Variants in LRRTM4 observed in about 807,000 individuals in gnomAD.
LRRTM4 encodes the protein leucine rich repeat transmembrane neuronal 4, also known as leucine-rich repeat transmembrane neuronal protein 4.
A neutral mutation model predicts 47.6 loss-of-function variants in LRRTM4; 25 were observed. The ratio of observed to expected loss-of-function variants is 0.53; its 90% CI spans 0.38 to 0.73. LRRTM4 has a LOEUF of 0.73. Among genes scored for constraint, LRRTM4 ranks in the 30% least tolerant of loss-of-function variants. The pLI is 0.00. For synonymous variants in LRRTM4, 311 were observed against 269.5 expected, an observed-to-expected ratio of 1.15 and a Z score of -1.51; for missense variants, 638 against 713.4, an observed-to-expected ratio of 0.89 and a Z score of 1.20.
chr2:76,938,167 T>C (rs1675021163), intron 3 of LRRTM4, among the ~76,000 whole-genome samples: 1 of 152,156 alleles, frequency 6.6e-6, no homozygotes, highest in Admixed American at 6.5e-5. Flanking sequence ...TAAAAGCTTT[T>C]ATTTTTCTCC....
At chr2:76,946,022 A>G (rs1950122) in intron 3 of LRRTM4, among the ~76,000 whole-genome samples, 13,927 of 151,870 alleles carry the variant, frequency 0.092, 968 homozygotes, top group East Asian at 0.38. Flanking sequence ...TCTCAATGCA[A>G]TATCACTAAA....
intron 3 of LRRTM4, among the ~76,000 whole-genome samples, chr2:77,073,065 C>G (rs1293353713): frequency 6.6e-6 from 1 of 152,084 alleles, no homozygotes. Flanking sequence ...ATCTGCATCC[C>G]AGACCAGTGG....
intron 3 of LRRTM4, among the ~76,000 whole-genome samples, chr2:77,404,907 C>A (rs1674121740): frequency 6.6e-6 from 1 of 152,020 alleles, no homozygotes; most frequent in African/African-American, 2.4e-5. Context: ...AGTTAAGCAA[C>A]AGGAATTATT....
rs377327134 is a variant in LRRTM4, at chr2:77,058,794, CTTAT to C, written c.1552-309882_1552-309879del. ...ATATTTGGCATATGATTCAAACAAT[CTTAT>C]TTATTTAGACGATTGTTTTAAATAT... On this transcript the variant is annotated intron_variant, in intron 3 of 3. Transcript: ENST00000409884. Among the ~76,000 whole-genome samples the C allele has an allele frequency of 2.3e-3, 348 of 152,134 alleles. 2 individuals are homozygous for C. The highest frequency in any genetic ancestry group is 0.014 in the Middle Eastern group (4 of 292).
intron 3 of LRRTM4, among the ~76,000 whole-genome samples, chr2:76,968,910 T>C (rs1241174764): frequency 2.0e-5 from 3 of 151,818 alleles, no homozygotes; most frequent in Non-Finnish European, 4.4e-5. Flanking sequence ...AAATAAAACC[T>C]AGCTCCTCCG....
intron 3 of LRRTM4, among the ~76,000 whole-genome samples, chr2:76,949,085 C>A (rs2103881435): frequency 6.8e-6 from 1 of 147,782 alleles, no homozygotes; most frequent in Non-Finnish European, 1.5e-5. Context: ...AAATAGAGTG[C>A]TTTGGGGAAA....
intron 3 of LRRTM4, among the ~76,000 whole-genome samples, chr2:77,271,353 G>A (rs62160529): frequency 1.0e-3 from 158 of 152,262 alleles, no homozygotes; most frequent in Non-Finnish European, 1.9e-3. Context: ...TGGAACTAAA[G>A]GAGCACTGTA....
At chr2:77,388,932 A>G (rs1177700907) in intron 3 of LRRTM4, among the ~76,000 whole-genome samples, 1 of 152,078 alleles carries the variant, frequency 6.6e-6, no homozygotes, top group East Asian at 1.9e-4. Flanking sequence ...TCATCCAAAT[A>G]TCTATTAATA....
chr2:77,016,231 C>T (rs1317182727), intron 3 of LRRTM4, among the ~76,000 whole-genome samples: 2 of 151,614 alleles, frequency 1.3e-5, no homozygotes, highest in Non-Finnish European at 2.9e-5. Flanking sequence ...ACTAAAAATA[C>T]AAAAATTAGC....
At chr2:76,990,728 A>C (rs1327411977) in intron 3 of LRRTM4, among the ~76,000 whole-genome samples, 8 of 151,638 alleles carry the variant, frequency 5.3e-5, no homozygotes, top group African/African-American at 1.5e-4. Context: ...CTGATAGTGC[A>C]TAGGCAGATC....
At chr2:77,249,227 G>A (rs1299413096) in intron 3 of LRRTM4, among the ~76,000 whole-genome samples, 5 of 151,954 alleles carry the variant, frequency 3.3e-5, no homozygotes, top group African/African-American at 4.8e-5. Context: ...GTGAGTGCCT[G>A]TAATCCCAGC....
At chr2:77,484,755 A>ATT (rs1677845969) in intron 3 of LRRTM4, among the ~76,000 whole-genome samples, 1 of 152,192 alleles carries the variant, frequency 6.6e-6, no homozygotes, top group Non-Finnish European at 1.5e-5. Flanking sequence ...AAGTTTAAAA[A>ATT]AGTTTTCAGG....
intron 3 of LRRTM4, among the ~76,000 whole-genome samples, chr2:77,323,873 T>C (rs1234198102): frequency 6.6e-6 from 1 of 152,086 alleles, no homozygotes; most frequent in Non-Finnish European, 1.5e-5. Flanking sequence ...AACCATAAAT[T>C]GGGGACAATA....
intron 3 of LRRTM4, among the ~76,000 whole-genome samples, chr2:77,011,734 G>A (rs1270287072): frequency 6.6e-6 from 1 of 151,976 alleles, no homozygotes; most frequent in African/African-American, 2.4e-5. Context: ...ACTCTTTATA[G>A]TTAACATTAT....
intron 3 of LRRTM4, among the ~76,000 whole-genome samples, chr2:77,309,228 C>T (rs1485879675): frequency 6.6e-6 from 1 of 152,074 alleles, no homozygotes; most frequent in Non-Finnish European, 1.5e-5. Flanking sequence ...GAAACATGGA[C>T]TAAAAAACCA....
rs1043403567 is a variant in LRRTM4 at position 76,967,884 on chromosome 2, G to A, written c.1552-218968C>T. ...TCATTCCATTCTCCCTCTGGCTAAT[G>A]GGCTTGAAGTGAACAGACACTATGT... On this transcript the variant is annotated intron_variant, in intron 3 of 3. Transcript: ENST00000409884. Among the ~76,000 whole-genome samples, 63 of 151,078 alleles carry A rather than the reference G, an allele frequency of 4.2e-4. 1 individual carries two copies. Among genetic ancestry groups the A allele is most frequent in the Non-Finnish European group, 5.8e-4 (39 of 67,658 alleles).
At chr2:77,237,426 T>C (rs1157800319) in intron 3 of LRRTM4, among the ~76,000 whole-genome samples, 1 of 152,110 alleles carries the variant, frequency 6.6e-6, no homozygotes, top group Non-Finnish European at 1.5e-5. Flanking sequence ...TGTGCTTATT[T>C]TGATATTCTC....
At chr2:76,850,933 A>G (rs1671974627) in intron 3 of LRRTM4, among the ~76,000 whole-genome samples, 1 of 152,192 alleles carries the variant, frequency 6.6e-6, no homozygotes, top group Non-Finnish European at 1.5e-5. Context: ...GTCTTATTGT[A>G]GACTCCTTTA....
chr2:77,182,917 T>G (rs1673390091), intron 3 of LRRTM4, among the ~76,000 whole-genome samples: 2 of 152,150 alleles, frequency 1.3e-5, no homozygotes, highest in African/African-American at 4.8e-5. Context: ...TCCTTACACC[T>G]TATACAAAAA....
Sources: allele counts gnomAD v4.1 joint callset (sites outside exome capture counted in the v4.1 genomes callset), GRCh38; gene constraint gnomAD v4.1.1; transcripts MANE v1.5; gene names NCBI Gene and HGNC (gene_info 2026-07-23, HGNC 2026-07-21).